LRP1B: variants seen among roughly 807,000 people sequenced by gnomAD.
LRP1B encodes the protein low-density lipoprotein receptor-related protein 1B.
A neutral mutation model predicts 556.6 loss-of-function variants in LRP1B; 217 were observed. That is an observed-to-expected ratio of 0.39 (90% CI 0.35 to 0.44). LRP1B has a LOEUF of 0.44. Ranked by LOEUF, LRP1B falls within the 20% of genes least tolerant of loss-of-function variation. The probability of loss-of-function intolerance (pLI) is 1.00; values close to 1 mark genes in which losing one functional copy is unlikely to be tolerated. For missense variants in LRP1B, 5,053 were observed against 5,620.8 expected, an observed-to-expected ratio of 0.90 and a Z score of 3.23; for synonymous variants, 2,047 against 1,865.8, an observed-to-expected ratio of 1.10 and a Z score of -2.50.
At chr2:140,922,149 C>A in intron 21 of LRP1B, among the ~76,000 whole-genome samples, 1 of 151,972 alleles carries the variant, frequency 6.6e-6, no homozygotes, top group East Asian at 1.9e-4. Context: ...TAAACTTCAA[C>A]ACATCATCTG....
At position 140,884,059 on chromosome 2, in the gene LRP1B, A is replaced by G. The variant is rs748167727; in HGVS notation, c.3965-38T>C. 37 of 1,584,942 alleles carry G rather than the reference A, an allele frequency of 2.3e-5. 1 individual carries two copies. The highest frequency in any genetic ancestry group is 2.2e-4 in the Admixed American group (13 of 59,610). ...GAAAACCAACATGTGCACCCATTCA[A>G]GGATTGTGTTAAGCACAAAGGAAAA... On this transcript the variant is annotated intron_variant, in intron 24 of 90. Coordinates refer to ENST00000389484, the MANE Select transcript of LRP1B (RefSeq NM_018557.3).
At chr2:141,915,071 C>G (rs1699995905) in intron 1 of LRP1B, among the ~76,000 whole-genome samples, 1 of 152,078 alleles carries the variant, frequency 6.6e-6, no homozygotes, top group South Asian at 2.1e-4. Flanking sequence ...AACAAAATCA[C>G]AGGCATCACA....
chr2:141,436,393 G>A (rs1458278390), intron 3 of LRP1B, among the ~76,000 whole-genome samples: 1 of 152,150 alleles, frequency 6.6e-6, no homozygotes, highest in Non-Finnish European at 1.5e-5. Context: ...AGAATAGAAT[G>A]GTGGTTGCCA....
At chr2:141,544,670 A>G (rs891317311) in intron 2 of LRP1B, among the ~76,000 whole-genome samples, 4 of 151,008 alleles carry the variant, frequency 2.6e-5, no homozygotes, top group Admixed American at 2.6e-4. Flanking sequence ...TTATTTTTTT[A>G]TTTCTTATTT....
rs1320809839 is a variant in LRP1B at position 140,541,074 on chromosome 2, A to C, written c.7412T>G (p.Leu2471Trp). ...NSCELSPCAL[L>W]NGGCHDLCLL... ...GCACAAGTCATGGCAGCCTCCATTC[A>C]ATAATGCACATGGAGAAAGTTCACC... Residue 2471 changes from leucine (L) to tryptophan (W), a missense_variant, in exon 45 of 91, where the codon TTG becomes TGG. Physicochemically the swap from Leu to Trp is moderately conservative, Grantham distance 61 (BLOSUM62 -2). Transcript: ENST00000389484. The C allele has an allele frequency of 6.2e-7, 1 of 1,610,240 alleles. No individual in the cohort carries two copies.
intron 4 of LRP1B, among the ~76,000 whole-genome samples, chr2:141,248,525 A>C (rs903746070): frequency 6.6e-6 from 1 of 152,180 alleles, no homozygotes; most frequent in Non-Finnish European, 1.5e-5. Flanking sequence ...ATTTCAGTTC[A>C]TCAAAATGGC....
chr2:141,653,188 A>G (rs1481166546), intron 2 of LRP1B, among the ~76,000 whole-genome samples: 1 of 152,136 alleles, frequency 6.6e-6, no homozygotes, highest in Non-Finnish European at 1.5e-5. Context: ...GTTACATTCC[A>G]CCAATTGAAT....
chr2:141,677,555 T>C (rs1690933072), intron 2 of LRP1B, among the ~76,000 whole-genome samples: 2 of 152,122 alleles, frequency 1.3e-5, no homozygotes, highest in African/African-American at 4.8e-5. Context: ...AATGGCACAA[T>C]CTCGTTTCAC....
At position 142,082,092 on chromosome 2, in the gene LRP1B, T is replaced by C. The variant is rs140917024; in HGVS notation, c.82+48556A>G. Among the ~76,000 whole-genome samples the C allele has an allele frequency of 6.5e-3, 993 of 152,330 alleles. 14 individuals carry two copies. The highest frequency in any genetic ancestry group is 0.023 in the African/African-American group (943 of 41,568). On this transcript the variant is annotated intron_variant, in intron 1 of 90. Coordinates refer to ENST00000389484, the MANE Select transcript of LRP1B (RefSeq NM_018557.3). ...TTTTTTCCACCACTTGAAATAATATTATAATTTGGAAGTATAAAGTCTGAA... is the reference window on the plus strand; with the variant it reads ...TTTTTTCCACCACTTGAAATAATATCATAATTTGGAAGTATAAAGTCTGAA...
At position 141,948,925 on chromosome 2, in the gene LRP1B, G is replaced by C. The variant is rs556492473; in HGVS notation, c.83-138524C>G. The stretch of plus-strand genomic sequence containing the variant: ...AAGATTCAATTTAATCTTTGATATT[G>C]ATAATTGGAAAAAATAAAAGTATAA... On this transcript the variant is annotated intron_variant, in intron 1 of 90. Transcript: ENST00000389484. Among the ~76,000 whole-genome samples, 59 of 152,142 alleles carry C rather than the reference G, an allele frequency of 3.9e-4. 2 individuals are homozygous for C. The highest frequency in any genetic ancestry group is 6.8e-3 in the Middle Eastern group (2 of 292).
intron 31 of LRP1B, among the ~76,000 whole-genome samples, chr2:140,824,128 A>AT (rs1691424538): frequency 1.8e-5 from 1 of 55,698 alleles, no homozygotes; most frequent in East Asian, 5.6e-4. Context: ...ATTTAAAAAA[A>AT]TAAAAAAAAA....
intron 3 of LRP1B, among the ~76,000 whole-genome samples, chr2:141,338,046 G>A (rs757529737): frequency 2.6e-4 from 39 of 152,142 alleles, no homozygotes; most frequent in Non-Finnish European, 2.4e-4. Context: ...CAGGCCACAC[G>A]TTCCAATTCG....
chr2:140,464,440 A>C (rs907749329), intron 60 of LRP1B, among the ~76,000 whole-genome samples: 9 of 152,144 alleles, frequency 5.9e-5, no homozygotes, highest in African/African-American at 2.2e-4. Context: ...TTATAATAGA[A>C]GGTCAAATAT....
intron 9 of LRP1B, among the ~76,000 whole-genome samples, chr2:141,058,275 A>T (rs565926076): frequency 1.2e-4 from 19 of 152,010 alleles, no homozygotes; most frequent in African/African-American, 4.6e-4. Flanking sequence ...TTTTAATTTG[A>T]AATACAAGTA....
chr2:140,432,566 A>C (rs532710754), intron 66 of LRP1B, among the ~76,000 whole-genome samples: 10 of 152,320 alleles, frequency 6.6e-5, no homozygotes, highest in African/African-American at 2.2e-4. Flanking sequence ...GAGATTACAA[A>C]CACCACACTG....
chr2:140,263,050 AG>A (rs1682020248), intron 86 of LRP1B, among the ~76,000 whole-genome samples: 1 of 152,074 alleles, frequency 6.6e-6, no homozygotes, highest in African/African-American at 2.4e-5. Flanking sequence ...CAGTCTCCCA[AG>A]TAGCTAGAAC....
chr2:141,924,936 G>A (rs918979254), intron 1 of LRP1B, among the ~76,000 whole-genome samples: 16 of 152,162 alleles, frequency 1.1e-4, no homozygotes, highest in Non-Finnish European at 1.9e-4. Flanking sequence ...AGAATGGAAG[G>A]TGTAGTTATA....
intron 23 of LRP1B, among the ~76,000 whole-genome samples, chr2:140,887,891 G>A (rs1261484508): frequency 6.6e-6 from 1 of 152,148 alleles, no homozygotes; most frequent in Non-Finnish European, 1.5e-5. Flanking sequence ...AGGGCCGAGG[G>A]TAGGTATTAA....
intron 67 of LRP1B, among the ~76,000 whole-genome samples, chr2:140,379,955 A>G (rs981098138): frequency 4.6e-5 from 7 of 151,996 alleles, no homozygotes; most frequent in Non-Finnish European, 5.9e-5. Context: ...AGGTATTCAC[A>G]TAGATTATGC....
Sources: allele counts gnomAD v4.1 joint callset (sites outside exome capture counted in the v4.1 genomes callset), GRCh38; gene constraint gnomAD v4.1.1; transcripts MANE v1.5; gene names NCBI Gene and HGNC (gene_info 2026-07-23, HGNC 2026-07-21).